The following EDA variants were observed in gnomAD, a reference collection of about 807,000 sequenced individuals.
The protein encoded by EDA is ectodysplasin-A.
In EDA, 2 loss-of-function variants were observed where a neutral mutation model predicts 23.6. The ratio of observed to expected loss-of-function variants is 0.08; its 90% CI spans 0.03 to 0.27. EDA has a LOEUF of 0.27. Ranked by LOEUF, EDA falls within the 10% of genes least tolerant of loss-of-function variation. The pLI is 1.00. For synonymous variants in EDA, 131 were observed against 132.0 expected, an observed-to-expected ratio of 0.99 and a Z score of 0.05; for missense variants, 229 against 324.2, an observed-to-expected ratio of 0.71 and a Z score of 2.26.
chrX:69,788,524 G>A (rs1054026922), intron 1 of EDA, among the ~76,000 whole-genome samples: 2 of 111,889 alleles, frequency 1.8e-5, no homozygotes, highest in Non-Finnish European at 3.8e-5. Flanking sequence ...AGGACCCTCA[G>A]CTGCAGGTCT....
intron 1 of EDA, among the ~76,000 whole-genome samples, chrX:69,727,056 G>A (rs2012833807): frequency 9.0e-6 from 1 of 111,664 alleles, no homozygotes; most frequent in Non-Finnish European, 1.9e-5. Flanking sequence ...TGGTGAATGC[G>A]GGTATTTTAT....
At chrX:69,987,561 A>C (rs927594913) in intron 2 of EDA, among the ~76,000 whole-genome samples, 14 of 109,843 alleles carry the variant, frequency 1.3e-4, no homozygotes, top group African/African-American at 4.6e-4. Flanking sequence ...CCTCCAATTC[A>C]TAACTGCCAC....
At chrX:69,724,766 G>A (rs190725068) in intron 1 of EDA, among the ~76,000 whole-genome samples, 138 of 112,010 alleles carry the variant, frequency 1.2e-3, no homozygotes, top group Admixed American at 5.5e-3. Flanking sequence ...ATTCAGTCAC[G>A]CAAGTAACTA....
chrX:69,992,755 G>C (rs896653003), intron 2 of EDA, among the ~76,000 whole-genome samples: 5 of 111,288 alleles, frequency 4.5e-5, no homozygotes, highest in Non-Finnish European at 7.5e-5. Context: ...CTATACTCTT[G>C]CCAAAAATGT....
chrX:69,819,948 C>T lies in EDA; in HGVS notation c.397-137079C>T, dbSNP rs183432987. Among the ~76,000 whole-genome samples the T allele has an allele frequency of 1.3e-3, 114 of 88,829 alleles. 1 individual carries two copies. In the East Asian group the frequency reaches 0.034, roughly 26 times the overall value. 77.1% of individuals were successfully genotyped at this position (88,829 alleles called of 115,157 possible). A position where few individuals can be genotyped will look rare whatever the true frequency, so the allele number is the denominator to read the frequency against. The stretch of plus-strand genomic sequence containing the variant: ...CCCAAATAGCCAAGATAATCCTAAA[C>T]AAAATGAACAAAGATGGAGGCATCA... On this transcript the variant is annotated intron_variant, in intron 1 of 7. Coordinates refer to ENST00000374552, the MANE Select transcript of EDA (RefSeq NM_001399.5).
Position 69,863,491 on chromosome X carries a change from G to GTA in EDA, c.397-93523_397-93522dup, listed in dbSNP as rs761822557. ...ACAATAAAGCAAACAGAAGAAAAGT[G>GTA]TATATATATATATACATATATATGT... On this transcript the variant is annotated intron_variant, in intron 1 of 7. Coordinates refer to ENST00000374552, the MANE Select transcript of EDA (RefSeq NM_001399.5). 6.2e-4 allele frequency among the ~76,000 whole-genome samples: 58 copies of GTA among 93,435 alleles called. No individual in the cohort carries two copies. In the South Asian group the frequency reaches 0.019, roughly 31 times the overall value. 81.1% of individuals were successfully genotyped at this position (93,435 alleles called of 115,157 possible). A position where few individuals can be genotyped will look rare whatever the true frequency, so the allele number is the denominator to read the frequency against.
At chrX:69,885,042 GT>G in intron 1 of EDA, among the ~76,000 whole-genome samples, 1 of 111,832 alleles carries the variant, frequency 8.9e-6, no homozygotes, top group Middle Eastern at 4.7e-3. Flanking sequence ...TCTCCTTGTG[GT>G]TTTTTACTTG....
At chrX:70,005,418 C>T (rs2019790771) in intron 2 of EDA, among the ~76,000 whole-genome samples, 1 of 111,037 alleles carries the variant, frequency 9.0e-6, no homozygotes, top group Non-Finnish European at 1.9e-5. Flanking sequence ...TTTTATTGAA[C>T]AGCTACTATA....
At chrX:70,033,623 A>G in intron 7 of EDA, 95 bp downstream of exon 7, 1 of 1,057,550 alleles carries the variant, frequency 9.5e-7, no homozygotes, top group Middle Eastern at 3.1e-4. Flanking sequence ...AAGACCATCC[A>G]ATGGCTAACT....
intron 1 of EDA, among the ~76,000 whole-genome samples, chrX:69,868,842 G>A (rs1272963107): frequency 1.8e-5 from 2 of 112,162 alleles, no homozygotes; most frequent in East Asian, 2.8e-4. Flanking sequence ...TAATTTGCTC[G>A]AGCAATGAAA....
intron 1 of EDA, among the ~76,000 whole-genome samples, chrX:69,820,464 A>G (rs1381454601): frequency 8.9e-6 from 1 of 112,225 alleles, no homozygotes; most frequent in Non-Finnish European, 1.9e-5. Context: ...GATAACCTAC[A>G]GAATGGGAGA....
intron 1 of EDA, among the ~76,000 whole-genome samples, chrX:69,706,220 C>T (rs1423887190): frequency 9.0e-6 from 1 of 111,708 alleles, no homozygotes; most frequent in Non-Finnish European, 1.9e-5. Context: ...ATAGGGCAGA[C>T]AAAGCATCTT....
intron 2 of EDA, among the ~76,000 whole-genome samples, chrX:69,958,577 G>A (rs1265979968): frequency 1.8e-5 from 2 of 109,941 alleles, no homozygotes; most frequent in Non-Finnish European, 3.8e-5. Context: ...AGTGGAGGTG[G>A]CAGCAGCATT....
intron 1 of EDA, among the ~76,000 whole-genome samples, chrX:69,941,506 G>A (rs1210761453): frequency 9.0e-6 from 1 of 111,224 alleles, no homozygotes; most frequent in African/African-American, 3.3e-5. Context: ...TTGTTGAATT[G>A]ACCCCTTTAT....
intron 1 of EDA, among the ~76,000 whole-genome samples, chrX:69,839,304 C>T (rs1227683348): frequency 1.8e-5 from 2 of 111,723 alleles, no homozygotes; most frequent in African/African-American, 6.5e-5. Context: ...ATCTTTTTAA[C>T]CTACACCCAC....
At chrX:69,884,955 A>G (rs1278654871) in intron 1 of EDA, among the ~76,000 whole-genome samples, 3 of 112,119 alleles carry the variant, frequency 2.7e-5, no homozygotes, top group Admixed American at 9.5e-5. Context: ...GAGGATTCCA[A>G]TTTCTCCACA....
intron 1 of EDA, among the ~76,000 whole-genome samples, chrX:69,791,323 G>A (rs1395931176): frequency 8.9e-6 from 1 of 111,747 alleles, no homozygotes. Context: ...CTTTGCTTAT[G>A]TTAATTACTT....
At chrX:69,847,204 A>G (rs891407814) in intron 1 of EDA, among the ~76,000 whole-genome samples, 1 of 111,711 alleles carries the variant, frequency 9.0e-6, no homozygotes, top group African/African-American at 3.3e-5. Flanking sequence ...AAGGTTCTTA[A>G]GGGTATCTGC....
chrX:69,752,478 C>G (rs980305372), intron 1 of EDA, among the ~76,000 whole-genome samples: 2 of 111,721 alleles, frequency 1.8e-5, no homozygotes, highest in East Asian at 2.8e-4. Flanking sequence ...ATTCAGTTTG[C>G]CAGTATTTTA....
Sources: gnomAD v4.1 joint callset for allele counts (sites outside exome capture counted in the v4.1 genomes callset) on GRCh38, gnomAD v4.1.1 for gene constraint, MANE v1.5 for transcripts, NCBI Gene and HGNC (gene_info 2026-07-23, HGNC 2026-07-21) for gene names.